DYNC1LI1: variants seen among roughly 807,000 people sequenced by gnomAD.
DYNC1LI1 encodes dynein cytoplasmic 1 light intermediate chain 1, also known as cytoplasmic dynein 1 light intermediate chain 1.
DYNC1LI1 carries 19 observed loss-of-function variants against 63.8 expected under a neutral mutation model. That is an observed-to-expected ratio of 0.30 (90% CI 0.21 to 0.44). The LOEUF (loss-of-function observed/expected upper bound fraction) is 0.44, where lower values mean the gene tolerates loss of function less well. Ranked by LOEUF, DYNC1LI1 falls within the 20% of genes least tolerant of loss-of-function variation. The probability of loss-of-function intolerance (pLI) is 1.00; values close to 1 mark genes in which losing one functional copy is unlikely to be tolerated. For missense variants in DYNC1LI1, 565 were observed against 630.2 expected (o/e 0.90, Z 1.11); for synonymous variants, 225 against 232.3 (o/e 0.97, Z 0.28).
intron 2 of DYNC1LI1, among the ~76,000 whole-genome samples, chr3:32,560,863 G>A (rs557811208): frequency 7.3e-5 from 11 of 151,084 alleles, no homozygotes; most frequent in East Asian, 5.9e-4. Flanking sequence ...TTAGCCAGGC[G>A]TGGTGGCTCA....
At position 32,532,903 on chromosome 3, in the gene DYNC1LI1, T is replaced by C. The variant is rs1697721114; in HGVS notation, c.1080+83A>G. 3 of 1,424,074 alleles carry C rather than the reference T, an allele frequency of 2.1e-6. No individual in the cohort carries two copies. The South Asian group carries it at 4.9e-5, about 23-fold the overall frequency. 88.2% of individuals were successfully genotyped at this position (1,424,074 alleles called of 1,614,324 possible). ...CAGATGGAAAAGGACATTTTTGCCTTTCTACATTTAATTTTAAAGTATGGA... is the reference window on the plus strand; with the variant it reads ...CAGATGGAAAAGGACATTTTTGCCTCTCTACATTTAATTTTAAAGTATGGA... On this transcript the variant is annotated intron_variant, in intron 8 of 12. Coordinates refer to ENST00000273130, the MANE Select transcript of DYNC1LI1 (RefSeq NM_016141.4).
intron 2 of DYNC1LI1, among the ~76,000 whole-genome samples, chr3:32,546,929 T>A (rs1304566117): frequency 1.3e-5 from 2 of 152,090 alleles, no homozygotes; most frequent in East Asian, 3.9e-4. Flanking sequence ...TTGACACAAG[T>A]ATTTTTTAAA....
rs775962207 is a variant in DYNC1LI1 at position 32,544,928 on chromosome 3, A to G, written c.516T>C (p.His172=). The change falls in exon 4 of 13, where the codon CAT becomes CAC. Residue 172 remains histidine, a synonymous_variant. Coordinates refer to ENST00000273130, the MANE Select transcript of DYNC1LI1 (RefSeq NM_016141.4). ...CAGGAGGGATTTTCAGTTTGTCAAC[A>G]TGTTCTCTAACAACACTTGCCCATT... ...LQKWASVVRE[H]VDKLKIPPEE... is the part of the protein sequence containing the mutation. The G allele has an allele frequency of 1.2e-6, 2 of 1,614,092 alleles. No individual in the cohort carries two copies. The highest frequency in any genetic ancestry group is 3.3e-5 in the Admixed American group (2 of 60,008).
Position 32,528,621 on chromosome 3 carries a change from C to A in DYNC1LI1, c.1307-20G>T, listed in dbSNP as rs1559433153. On this transcript the variant is annotated intron_variant, in intron 11 of 12. Coordinates refer to ENST00000273130, the MANE Select transcript of DYNC1LI1 (RefSeq NM_016141.4). ...CTCCAGCTATAAAAAAATAAAAAAA[C>A]AAAAAGCTTTAGCCAAAACATAAGA... The A allele has an allele frequency of 3.8e-6, 6 of 1,583,524 alleles. No homozygotes were observed. In the Admixed American group the frequency reaches 7.8e-5, roughly 20 times the overall value.
intron 2 of DYNC1LI1, among the ~76,000 whole-genome samples, chr3:32,555,957 A>G (rs1438307710): frequency 6.6e-6 from 1 of 152,234 alleles, no homozygotes; most frequent in Non-Finnish European, 1.5e-5. Context: ...GATGTGAGAA[A>G]AAAACCCGTC....
intron 2 of DYNC1LI1, among the ~76,000 whole-genome samples, chr3:32,552,769 G>A (rs377515848): frequency 8.5e-5 from 13 of 152,210 alleles, no homozygotes; most frequent in African/African-American, 2.4e-4. Context: ...GCAGGGGTGC[G>A]ATCTTGGCTC....
intron 6 of DYNC1LI1, among the ~76,000 whole-genome samples, chr3:32,535,194 C>T (rs1697758216): frequency 6.6e-6 from 1 of 152,090 alleles, no homozygotes; most frequent in African/African-American, 2.4e-5. Flanking sequence ...CAGGAATAAC[C>T]CAAGGCAAAA....
In DYNC1LI1 at chr3:32,537,996, AT is replaced by A. The variant is rs1279992958; in HGVS notation, c.739-893del. Among the ~76,000 whole-genome samples the A allele has an allele frequency of 1.7e-4, 9 of 54,336 alleles. No homozygotes were observed. In the East Asian group the frequency reaches 2.4e-3, roughly 14 times the overall value. The allele number at this position is 54,336 out of a possible 152,430, so 35.6% of individuals were successfully genotyped here. A position where few individuals can be genotyped will look rare whatever the true frequency, so the allele number is the denominator to read the frequency against. On this transcript the variant is annotated intron_variant, in intron 5 of 12. Coordinates refer to ENST00000273130, the MANE Select transcript of DYNC1LI1 (RefSeq NM_016141.4). ...TATTTATATATAATATATATATATA[AT>A]TTATATATATAATATATATATATAA... is the stretch of plus-strand genomic sequence containing the variant.
At chr3:32,551,337 C>G (rs995966265) in intron 2 of DYNC1LI1, among the ~76,000 whole-genome samples, 1 of 152,080 alleles carries the variant, frequency 6.6e-6, no homozygotes, top group Admixed American at 6.6e-5. Flanking sequence ...AAAGCACATA[C>G]AGAGACCCAG....
chr3:32,535,366 C>T (rs1697760284), intron 6 of DYNC1LI1, among the ~76,000 whole-genome samples: 1 of 152,186 alleles, frequency 6.6e-6, no homozygotes, highest in African/African-American at 2.4e-5. Context: ...GAGTGGCTAT[C>T]AGAAATTCTA....
chr3:32,569,685 C>G (rs181780620), intron 2 of DYNC1LI1, among the ~76,000 whole-genome samples: 1 of 152,132 alleles, frequency 6.6e-6, no homozygotes, highest in Admixed American at 6.5e-5. Context: ...AAACAGAATA[C>G]ACAACTTCCA....
intron 5 of DYNC1LI1, among the ~76,000 whole-genome samples, chr3:32,537,841 G>T (rs1697794923): frequency 8.4e-6 from 1 of 118,934 alleles, no homozygotes; most frequent in African/African-American, 3.2e-5. Flanking sequence ...TATTAGTTTG[G>T]GGTTAAATCT....
At chr3:32,544,692 A>AGATT (rs1291836750) in intron 4 of DYNC1LI1, among the ~76,000 whole-genome samples, 184 bp downstream of exon 4, 1 of 151,916 alleles carries the variant, frequency 6.6e-6, no homozygotes, top group African/African-American at 2.4e-5. Flanking sequence ...CAGTGAGCCA[A>AGATT]GATTGCGCCA....
intron 2 of DYNC1LI1, among the ~76,000 whole-genome samples, chr3:32,555,495 A>G (rs1293370434): frequency 6.6e-6 from 1 of 152,246 alleles, no homozygotes; most frequent in Non-Finnish European, 1.5e-5. Flanking sequence ...GGTTATACAC[A>G]TCTTCCAATC....
intron 4 of DYNC1LI1, among the ~76,000 whole-genome samples, chr3:32,542,627 T>G (rs753568445): frequency 6.6e-5 from 10 of 152,124 alleles, no homozygotes; most frequent in African/African-American, 9.7e-5. Context: ...AGGCTAGTCT[T>G]GAATTCCCGA....
rs1011881452 is a variant in DYNC1LI1, at chr3:32,526,229, A to G, written c.*570T>C. The G allele has an allele frequency of 6.6e-6, 1 of 152,632 alleles. No individual in the cohort carries two copies. Among genetic ancestry groups the G allele is most frequent in the African/African-American group, 2.4e-5 (1 of 41,456 alleles). 9.5% of individuals were successfully genotyped at this position (152,632 alleles called of 1,614,324 possible). A position where few individuals can be genotyped will look rare whatever the true frequency, so the allele number is the denominator to read the frequency against. On this transcript the variant is annotated 3_prime_UTR_variant, in exon 13 of 13. Coordinates refer to ENST00000273130, the MANE Select transcript of DYNC1LI1 (RefSeq NM_016141.4). ...CTAAATCATATTTTGATGACAACTT[A>G]CAGGATCAGTGATTGAGACAATGAC...
intron 12 of DYNC1LI1, among the ~76,000 whole-genome samples, chr3:32,527,484 T>TATGA: frequency 6.6e-6 from 1 of 151,824 alleles, no homozygotes; most frequent in East Asian, 1.9e-4. Flanking sequence ...CTAGAGAAGA[T>TATGA]GAATGAGTGG....
At chr3:32,547,259 A>C (rs1233048773) in intron 2 of DYNC1LI1, among the ~76,000 whole-genome samples, 1 of 152,060 alleles carries the variant, frequency 6.6e-6, no homozygotes, top group Non-Finnish European at 1.5e-5. Context: ...AAACAAAACA[A>C]AACTAGGCTA....
At chr3:32,557,103 A>G (rs1227429393) in intron 2 of DYNC1LI1, among the ~76,000 whole-genome samples, 4 of 152,230 alleles carry the variant, frequency 2.6e-5, no homozygotes, top group Non-Finnish European at 5.9e-5. Context: ...CAAGCTGGAC[A>G]GTGTTTGAAG....
Sources: gnomAD v4.1 joint callset for allele counts (sites outside exome capture counted in the v4.1 genomes callset) on GRCh38, gnomAD v4.1.1 for gene constraint, MANE v1.5 for transcripts, NCBI Gene and HGNC (gene_info 2026-07-23, HGNC 2026-07-21) for gene names.